The following MYO16 variants were observed in gnomAD, a reference collection of about 807,000 sequenced individuals.
MYO16 encodes the protein myosin XVI.
MYO16 carries 94 observed loss-of-function variants against 205.3 expected under a neutral mutation model. That is an observed-to-expected ratio of 0.46 (90% CI 0.39 to 0.54). MYO16 has a LOEUF of 0.54. Among genes scored for constraint, MYO16 ranks in the 20% least tolerant of loss-of-function variants. MYO16 has a pLI of 0.00. For missense variants in MYO16, 2,315 were observed against 2,387.5 expected (o/e 0.97, Z 0.63); for synonymous variants, 988 against 954.0 (o/e 1.04, Z -0.66).
intron 4 of MYO16, among the ~76,000 whole-genome samples, chr13:108,751,908 A>T (rs995818842): frequency 1.9e-4 from 29 of 152,202 alleles, no homozygotes; most frequent in Non-Finnish European, 3.1e-4. Context: ...ACCCAAGGAG[A>T]TAGGACTAAG....
chr13:108,694,270 C>T (rs1883007123), intron 2 of MYO16, among the ~76,000 whole-genome samples: 1 of 152,044 alleles, frequency 6.6e-6, no homozygotes, highest in Admixed American at 6.6e-5. Flanking sequence ...TGTTGACTGC[C>T]AGTTTTTAAT....
At chr13:108,824,771 T>C (rs1160560879) in intron 9 of MYO16, among the ~76,000 whole-genome samples, 1 of 151,908 alleles carries the variant, frequency 6.6e-6, no homozygotes, top group Non-Finnish European at 1.5e-5. Flanking sequence ...TAAAAGGAAA[T>C]ATTATGAACA....
chr13:108,727,721 C>T, intron 4 of MYO16, 138 bp downstream of exon 4: 1 of 945,602 alleles, frequency 1.1e-6, no homozygotes, highest in Non-Finnish European at 1.5e-6. Flanking sequence ...CTCCCTAGAA[C>T]ACAAGATAAT....
chr13:108,709,958 G>T lies in MYO16; in HGVS notation c.293-2703G>T, dbSNP rs114597318. ...ATCTAGGACAAACAAAACTCAGATT[G>T]CCCTTTTCTCACTAGGATGATGCCG... On this transcript the variant is annotated intron_variant, in intron 2 of 34. Transcript: ENST00000457511. 4.7e-3 allele frequency among the ~76,000 whole-genome samples: 624 copies of T among 133,844 alleles called. 108 individuals are homozygous for T. The highest frequency in any genetic ancestry group is 0.016 in the African/African-American group (592 of 35,966). The allele number at this position is 133,844 out of a possible 152,430, so 87.8% of individuals were successfully genotyped here. A position where few individuals can be genotyped will look rare whatever the true frequency, so the allele number is the denominator to read the frequency against.
intron 1 of MYO16, among the ~76,000 whole-genome samples, chr13:108,635,087 T>A (rs2139364138): frequency 6.6e-6 from 1 of 152,334 alleles, no homozygotes; most frequent in African/African-American, 2.4e-5. Context: ...GTTTAAGTAT[T>A]TTGGCTTATA....
intron 1 of MYO16, among the ~76,000 whole-genome samples, chr13:108,633,595 T>A (rs7317734): frequency 7.2e-5 from 11 of 152,016 alleles, no homozygotes; most frequent in African/African-American, 2.7e-4. Flanking sequence ...TCCACTGACT[T>A]GAATGTTAAT....
intron 15 of MYO16, among the ~76,000 whole-genome samples, chr13:108,906,192 C>T (rs568594481): frequency 2.0e-5 from 3 of 152,218 alleles, no homozygotes; most frequent in African/African-American, 7.2e-5. Context: ...CTCCCATTCC[C>T]AGAAATAAGT....
chr13:108,579,562 T>C, the MYO16 span, among the ~76,000 whole-genome samples: 1 of 151,188 alleles, frequency 6.6e-6, no homozygotes, highest in Non-Finnish European at 1.5e-5. Context: ...TGCCTCAGCC[T>C]CCTAAGTAGC....
At position 108,822,381 on chromosome 13, in the gene MYO16, A is replaced by G. The variant is rs370382089; in HGVS notation, c.944-744A>G. Reference sequence around the variant, plus strand: ...AAGGCCACATAACTCTAATTGATAGACATAGGTGGTCACACAGTCTGGTCC... The same window carrying G: ...AAGGCCACATAACTCTAATTGATAGGCATAGGTGGTCACACAGTCTGGTCC... On this transcript the variant is annotated intron_variant, in intron 8 of 34. Transcript: ENST00000457511. Among the ~76,000 whole-genome samples the G allele has an allele frequency of 9.1e-4, 139 of 152,208 alleles. 1 individual carries two copies. Among genetic ancestry groups the G allele is most frequent in the African/African-American group, 3.1e-3 (129 of 41,538 alleles).
intron 22 of MYO16, among the ~76,000 whole-genome samples, chr13:109,014,942 A>T (rs1257098518): frequency 6.6e-6 from 1 of 152,194 alleles, no homozygotes; most frequent in Non-Finnish European, 1.5e-5. Flanking sequence ...TTCCTAATTG[A>T]ATATCCTTTA....
At chr13:108,878,500 C>T (rs991799002) in intron 12 of MYO16, among the ~76,000 whole-genome samples, 1 of 152,184 alleles carries the variant, frequency 6.6e-6, no homozygotes, top group African/African-American at 2.4e-5. Flanking sequence ...TCAATAAAAC[C>T]CCTGCATTCA....
rs537738247 is a variant in MYO16, at chr13:108,665,674, C to G, written c.29-212C>G. On this transcript the variant is annotated intron_variant, in intron 1 of 34. Transcript: ENST00000457511. ...ACTACATATGCATGTCTAATTCCAT[C>G]ATTTGTTTTATTACCACAGAATCTT... Among the ~76,000 whole-genome samples, 38 of 152,288 alleles carry G rather than the reference C, an allele frequency of 2.5e-4. 3 individuals carry two copies. In the South Asian group the frequency reaches 6.2e-3, roughly 25 times the overall value.
At chr13:108,856,964 G>A (rs767781420) in intron 11 of MYO16, among the ~76,000 whole-genome samples, 3 of 152,248 alleles carry the variant, frequency 2.0e-5, no homozygotes, top group East Asian at 1.9e-4. Context: ...AACAAAGAGC[G>A]CAACCCTTCT....
intron 2 of MYO16, among the ~76,000 whole-genome samples, chr13:108,668,335 G>A (rs1240254875): frequency 6.6e-6 from 1 of 152,162 alleles, no homozygotes; most frequent in Non-Finnish European, 1.5e-5. Flanking sequence ...AGGGTGTGGT[G>A]AGAAATAGTC....
At chr13:109,063,628 T>A (rs1438649683) in intron 27 of MYO16, among the ~76,000 whole-genome samples, 1 of 152,124 alleles carries the variant, frequency 6.6e-6, no homozygotes, top group Non-Finnish European at 1.5e-5. Context: ...AGAAATAGAT[T>A]TCTGTTTTTT....
intron 16 of MYO16, among the ~76,000 whole-genome samples, chr13:108,914,145 CTATAT>C (rs1213546569): frequency 4.1e-5 from 6 of 145,960 alleles, no homozygotes; most frequent in Non-Finnish European, 9.0e-5. Flanking sequence ...ATTATATATA[CTATAT>C]TATATGTAGT....
intron 4 of MYO16, among the ~76,000 whole-genome samples, chr13:108,773,878 T>C (rs894782562): frequency 3.3e-5 from 5 of 152,086 alleles, no homozygotes; most frequent in Non-Finnish European, 7.3e-5. Flanking sequence ...AATTCACACT[T>C]AAAATGTGAT....
chr13:108,852,694 T>G (rs1483685527), intron 10 of MYO16, among the ~76,000 whole-genome samples: 1 of 152,112 alleles, frequency 6.6e-6, no homozygotes, highest in East Asian at 1.9e-4. Context: ...GGGAAGCTGG[T>G]AGGAAGTTAC....
intron 13 of MYO16, among the ~76,000 whole-genome samples, chr13:108,883,953 T>C (rs1449355304): frequency 6.6e-6 from 1 of 152,216 alleles, no homozygotes; most frequent in African/African-American, 2.4e-5. Context: ...TGAAATGTAA[T>C]GCTAGATTTA....
Sources: gnomAD v4.1 joint callset for allele counts (sites outside exome capture counted in the v4.1 genomes callset) on GRCh38, gnomAD v4.1.1 for gene constraint, MANE v1.5 for transcripts, NCBI Gene and HGNC (gene_info 2026-07-23, HGNC 2026-07-21) for gene names.